Variants in KCND2 observed in about 807,000 individuals in gnomAD.
The protein encoded by KCND2 is potassium voltage-gated channel subfamily D member 2.
KCND2 carries 16 observed loss-of-function variants against 54.4 expected under a neutral mutation model. That is an observed-to-expected ratio of 0.29 (90% confidence interval 0.20 to 0.45). The LOEUF (loss-of-function observed/expected upper bound fraction) is 0.45. Among genes scored for constraint, KCND2 ranks in the 20% least tolerant of loss-of-function variants. The probability of loss-of-function intolerance (pLI) is 1.00; values close to 1 mark genes in which losing one functional copy is unlikely to be tolerated. For missense variants in KCND2, 486 were observed against 824.2 expected, an observed-to-expected ratio of 0.59 and a Z score of 5.02; for synonymous variants, 317 against 310.7, an observed-to-expected ratio of 1.02 and a Z score of -0.21.
At chr7:120,622,364 T>C (rs1295316871) in intron 1 of KCND2, among the ~76,000 whole-genome samples, 1 of 152,162 alleles carries the variant, frequency 6.6e-6, no homozygotes, top group Non-Finnish European at 1.5e-5. Context: ...GGGAGCCTAC[T>C]GCTGTTTCAG....
At chr7:120,433,647 T>C (rs185095152) in intron 1 of KCND2, among the ~76,000 whole-genome samples, 28 of 152,326 alleles carry the variant, frequency 1.8e-4, no homozygotes, top group African/African-American at 6.7e-4. Context: ...CTGTAAGTAT[T>C]GAATAAAATG....
At chr7:120,471,537 T>C (rs891264885) in intron 1 of KCND2, among the ~76,000 whole-genome samples, 11 of 152,206 alleles carry the variant, frequency 7.2e-5, no homozygotes, top group African/African-American at 2.4e-4. Flanking sequence ...CTTTTTTGAC[T>C]TGGGTAGCAT....
chr7:120,488,504 A>T (rs1802726243), intron 1 of KCND2, among the ~76,000 whole-genome samples: 1 of 152,036 alleles, frequency 6.6e-6, no homozygotes, highest in South Asian at 2.1e-4. Flanking sequence ...ATTTTAATTG[A>T]TGTGTGATAC....
At chr7:120,340,933 A>G (rs1279583793) in intron 1 of KCND2, among the ~76,000 whole-genome samples, 1 of 152,236 alleles carries the variant, frequency 6.6e-6, no homozygotes, top group Non-Finnish European at 1.5e-5. Context: ...GGTGATTACT[A>G]TGACTACATA....
At chr7:120,578,834 C>A (rs766557297) in intron 1 of KCND2, among the ~76,000 whole-genome samples, 1 of 151,912 alleles carries the variant, frequency 6.6e-6, no homozygotes, top group Non-Finnish European at 1.5e-5. Flanking sequence ...CATTGCACTC[C>A]AGCCTGAGCG....
intron 1 of KCND2, among the ~76,000 whole-genome samples, chr7:120,369,971 G>C (rs1800743366): frequency 6.6e-6 from 1 of 152,024 alleles, no homozygotes; most frequent in Non-Finnish European, 1.5e-5. Context: ...AGCAAATGTA[G>C]ATGTGAGTCA....
chr7:120,333,946 A>G (rs537438760), intron 1 of KCND2, among the ~76,000 whole-genome samples: 1 of 152,296 alleles, frequency 6.6e-6, no homozygotes, highest in African/African-American at 2.4e-5. Flanking sequence ...TTAACATGTC[A>G]TGTGTATATA....
chr7:120,468,265 T>A (rs1175863248), intron 1 of KCND2, among the ~76,000 whole-genome samples: 1 of 152,158 alleles, frequency 6.6e-6, no homozygotes, highest in East Asian at 1.9e-4. Context: ...TTATTTTACA[T>A]ACTCATTGCA....
At chr7:120,375,603 A>G (rs1199630215) in intron 1 of KCND2, among the ~76,000 whole-genome samples, 3 of 151,848 alleles carry the variant, frequency 2.0e-5, no homozygotes, top group Non-Finnish European at 2.9e-5. Context: ...TTTTATATAG[A>G]TAAAAAGATA....
intron 1 of KCND2, among the ~76,000 whole-genome samples, chr7:120,715,270 T>A (rs73219494): frequency 1.2e-3 from 178 of 152,128 alleles, no homozygotes; most frequent in Non-Finnish European, 2.4e-3. Flanking sequence ...GAAAAAAAAA[T>A]ATGATAGTTG....
intron 1 of KCND2, among the ~76,000 whole-genome samples, chr7:120,611,739 G>T (rs1327595536): frequency 6.6e-6 from 1 of 152,112 alleles, no homozygotes; most frequent in African/African-American, 2.4e-5. Flanking sequence ...CTGATAAAGT[G>T]ACCTTTCAAG....
chr7:120,740,814 CAGTTCA>C (rs1268372519), intron 2 of KCND2: 1 of 453,906 alleles, frequency 2.2e-6, no homozygotes, highest in Non-Finnish European at 4.4e-6. Flanking sequence ...TCATTTCAGC[CAGTTCA>C]AGAGTGAAAT....
At chr7:120,384,686 T>C (rs922970174) in intron 1 of KCND2, among the ~76,000 whole-genome samples, 2 of 152,160 alleles carry the variant, frequency 1.3e-5, no homozygotes, top group Non-Finnish European at 2.9e-5. Flanking sequence ...AAACAAAATA[T>C]AGCTTAAGTG....
chr7:120,464,025 T>G (rs1247247179), intron 1 of KCND2: 4 of 984,036 alleles, frequency 4.1e-6, no homozygotes, highest in Non-Finnish European at 4.8e-6. Flanking sequence ...TTGTTTTTTT[T>G]TTTTTTTCTT....
At chr7:120,607,349 T>A (rs1792894478) in intron 1 of KCND2, among the ~76,000 whole-genome samples, 1 of 152,136 alleles carries the variant, frequency 6.6e-6, no homozygotes, top group African/African-American at 2.4e-5. Flanking sequence ...TCCATGCTGA[T>A]GTCTTCCATT....
At chr7:120,321,825 C>G (rs1482718201) in intron 1 of KCND2, among the ~76,000 whole-genome samples, 1 of 152,064 alleles carries the variant, frequency 6.6e-6, no homozygotes, top group Non-Finnish European at 1.5e-5. Context: ...ATCTTTCTGT[C>G]CTCACCAACC....
intron 1 of KCND2, among the ~76,000 whole-genome samples, chr7:120,600,109 A>AC (rs774447859): frequency 1.3e-5 from 2 of 151,878 alleles, no homozygotes; most frequent in Non-Finnish European, 2.9e-5. Flanking sequence ...GAACTTAGTA[A>AC]GAGTCCATAC....
At chr7:120,729,057 T>A (rs1792773034) in intron 1 of KCND2, among the ~76,000 whole-genome samples, 1 of 152,220 alleles carries the variant, frequency 6.6e-6, no homozygotes, top group Non-Finnish European at 1.5e-5. Flanking sequence ...AGAGATGTGA[T>A]TCCTGAGGTG....
At position 120,749,960 on chromosome 7, in the gene KCND2, C is replaced by T. The variant is rs1054630916; in HGVS notation, c.*2102C>T. 18 of 151,870 alleles carry T rather than the reference C, an allele frequency of 1.2e-4. No individual in the cohort carries two copies. Among genetic ancestry groups the T allele is most frequent in the African/African-American group, 4.3e-4 (18 of 41,396 alleles). The allele number at this position is 151,870 out of a possible 1,614,324, so 9.4% of individuals were successfully genotyped here. A position where few individuals can be genotyped will look rare whatever the true frequency, so the allele number is the denominator to read the frequency against. On this transcript the variant is annotated 3_prime_UTR_variant, in exon 6 of 6. Transcript: ENST00000331113. ...TTCTATTTTCATGTTCTTAATATTA[C>T]ATACAAGAAAATGCAGTTAGGTTAT...
Sources: gnomAD v4.1 joint callset for allele counts (sites outside exome capture counted in the v4.1 genomes callset) on GRCh38, gnomAD v4.1.1 for gene constraint, MANE v1.5 for transcripts, NCBI Gene and HGNC (gene_info 2026-07-23, HGNC 2026-07-21) for gene names.